TPM4: variants seen among roughly 807,000 people sequenced by gnomAD.
TPM4 encodes tropomyosin alpha-4 chain.
A neutral mutation model predicts 35.8 loss-of-function variants in TPM4; 17 were observed. The ratio of observed to expected loss-of-function variants is 0.47; its 90% confidence interval spans 0.32 to 0.71. The LOEUF is 0.71. TPM4 is among the 30% of genes least tolerant of loss of function. The pLI is 0.03. For missense variants in TPM4, 240 were observed against 320.9 expected, an observed-to-expected ratio of 0.75 and a Z score of 1.93; for synonymous variants, 120 against 122.9, an observed-to-expected ratio of 0.98 and a Z score of 0.15.
chr19:16,086,148 A>C (rs910031438), intron 2 of TPM4, among the ~76,000 whole-genome samples: 4 of 150,714 alleles, frequency 2.7e-5, no homozygotes, highest in Non-Finnish European at 4.4e-5. Context: ...TGCTCAGTAG[A>C]TTCAGAGACT....
intron 7 of TPM4, among the ~76,000 whole-genome samples, chr19:16,096,266 A>C (rs148154323): frequency 1.9e-4 from 29 of 152,126 alleles, no homozygotes; most frequent in African/African-American, 6.5e-4. Context: ...GGGTTTCACT[A>C]TGTTGCCCAG....
chr19:16,067,727 A>G lies in TPM4; in HGVS notation c.103A>G (p.Lys35Glu), dbSNP rs2090311547. ...GGCGGATAAGAAAGCCGCTGAGGAC[A>G]AGTGCAAGCAGGTGAGGTGCCCTCC... Residue 35 changes from lysine (K) to glutamate (E), a missense_variant, in exon 2 of 3, where the codon AAG becomes GAG. Lys to Glu is a moderately conservative substitution (Grantham distance 56). Coordinates refer to the TPM4 transcript ENST00000589897. The surrounding 1 kb of genome is among the most constrained non-coding windows in gnomAD (Gnocchi z 4.1). The G allele has an allele frequency of 6.2e-7, 1 of 1,612,438 alleles. No individual in the cohort carries two copies. Among genetic ancestry groups the G allele is most frequent in the Admixed American group, 1.7e-5 (1 of 59,878 alleles).
In TPM4 at chr19:16,067,613, C is replaced by A. The variant is rs2144901311; in HGVS notation, c.-12C>A. Reference sequence around the variant, plus strand: ...GCCGCGCACCCCACGTCCCCCACGCCAGCGCCCAGCCATGGAGGCCATCAA... The same window carrying A: ...GCCGCGCACCCCACGTCCCCCACGCAAGCGCCCAGCCATGGAGGCCATCAA... On this transcript the variant is annotated 5_prime_UTR_variant, in exon 2 of 3. Coordinates refer to the TPM4 transcript ENST00000589897. The surrounding 1 kb of genome is among the most constrained non-coding windows in gnomAD (Gnocchi z 4.1). The A allele has an allele frequency of 6.2e-7, 1 of 1,611,974 alleles. No homozygotes were observed. The highest frequency in any genetic ancestry group is 2.2e-5 in the East Asian group (1 of 44,824).
At chr19:16,071,067 G>C (rs1218344055) in intron 2 of TPM4, among the ~76,000 whole-genome samples, 2 of 152,240 alleles carry the variant, frequency 1.3e-5, no homozygotes, top group African/African-American at 4.8e-5. Context: ...TGGCCAAGGA[G>C]GTTATGCCTT....
intron 2 of TPM4, among the ~76,000 whole-genome samples, chr19:16,085,239 T>C (rs1311842040): frequency 6.6e-6 from 1 of 151,482 alleles, no homozygotes; most frequent in East Asian, 1.9e-4. Flanking sequence ...GGCAACAGAG[T>C]GAGAACCTGT....
rs1462523889 is a variant in TPM4, at chr19:16,070,542, T to C, written c.114+2804T>C. ...GAAAGCTCGGAGCTCAGACTGGCCA[T>C]GTTTGAGTCATGGCTCAGTCGCTAG... On this transcript the variant is annotated intron_variant, in intron 2 of 2. Coordinates refer to the TPM4 transcript ENST00000589897. This position sits in a 1 kb window ranked among gnomAD's most constrained non-coding sequence, Gnocchi z 7.4. Among the ~76,000 whole-genome samples, 1 of 152,078 alleles carries C rather than the reference T, an allele frequency of 6.6e-6. No homozygotes were observed. The highest frequency in any genetic ancestry group is 1.5e-5 in the Non-Finnish European group (1 of 67,998).
chr19:16,102,041 T>C lies in TPM4; in HGVS notation c.*695T>C. 1 of 210,224 alleles carries C rather than the reference T, an allele frequency of 4.8e-6. No homozygotes were observed. The highest frequency in any genetic ancestry group is 9.7e-6 in the Non-Finnish European group (1 of 103,626). 13.0% of individuals were successfully genotyped at this position (210,224 alleles called of 1,614,324 possible). A position where few individuals can be genotyped will look rare whatever the true frequency, so the allele number is the denominator to read the frequency against. On this transcript the variant is annotated 3_prime_UTR_variant, in exon 8 of 8. Transcript: ENST00000643579. ...ATCCTTGATGTGATGTTCTTTTGCA[T>C]ATTTCCTTCATTCTAAAGTTGTTCC...
At chr19:16,089,669 T>A (rs1198904467) in intron 5 of TPM4, among the ~76,000 whole-genome samples, 1 of 42,904 alleles carries the variant, frequency 2.3e-5, no homozygotes, top group African/African-American at 1.2e-4. Flanking sequence ...CACCCCCCAC[T>A]TTTTTTTTTT....
chr19:16,076,192 G>A (rs1363317576), upstream of TPM4: 5 of 1,552,580 alleles, frequency 3.2e-6, no homozygotes, highest in African/African-American at 1.4e-5. Context: ...CAGGGATGCG[G>A]GAGCCCGCGG....
At chr19:16,090,230 C>A (rs534916334) in intron 5 of TPM4, among the ~76,000 whole-genome samples, 1 of 152,172 alleles carries the variant, frequency 6.6e-6, no homozygotes, top group South Asian at 2.1e-4. Flanking sequence ...AATCCTATCA[C>A]CTCAGCTTCC....
intron 5 of TPM4, among the ~76,000 whole-genome samples, chr19:16,090,903 G>A (rs1398008998): frequency 2.0e-5 from 3 of 149,986 alleles, no homozygotes; most frequent in African/African-American, 7.4e-5. Flanking sequence ...CTGGCCTCGA[G>A]TGATCCACCT....
At chr19:16,098,805 A>T (rs2090731371) in intron 7 of TPM4, among the ~76,000 whole-genome samples, 2 of 152,048 alleles carry the variant, frequency 1.3e-5, no homozygotes, top group African/African-American at 4.8e-5. Context: ...TTTTATTTTT[A>T]AAAAATTTTT....
intron 5 of TPM4, among the ~76,000 whole-genome samples, chr19:16,091,021 G>A (rs2090620081): frequency 5.9e-5 from 9 of 151,916 alleles, no homozygotes; most frequent in Admixed American, 5.9e-4. Flanking sequence ...GGGCCAGGGG[G>A]ATAGATGTAA....
chr19:16,083,761 T>C (rs570280985), intron 2 of TPM4, among the ~76,000 whole-genome samples: 408 of 148,040 alleles, frequency 2.8e-3, no homozygotes, highest in Middle Eastern at 0.01. Flanking sequence ...TCATTTCTTT[T>C]TTTTTTTTTT....
intron 2 of TPM4, among the ~76,000 whole-genome samples, chr19:16,083,857 C>T (rs2090516504): frequency 6.6e-6 from 1 of 150,898 alleles, no homozygotes; most frequent in Non-Finnish European, 1.5e-5. Context: ...CTCCTGGGCT[C>T]AAGCGATCCT....
At chr19:16,081,258 G>A in intron 1 of TPM4, 3 of 394,422 alleles carry the variant, frequency 7.6e-6, no homozygotes, top group Non-Finnish European at 1.3e-5. Flanking sequence ...CTTTTTCAGA[G>A]AAGAGCCTAT....
intron 1 of TPM4, 56 bp from the exon 2 acceptor site, chr19:16,081,857 C>T: frequency 5.3e-6 from 8 of 1,515,450 alleles, no homozygotes; most frequent in Non-Finnish European, 5.4e-6. Flanking sequence ...GGGGGAGGCT[C>T]CCACTGGTGG....
intron 2 of TPM4, among the ~76,000 whole-genome samples, chr19:16,069,140 GT>G (rs1413716450): frequency 6.6e-6 from 1 of 152,176 alleles, no homozygotes; most frequent in Non-Finnish European, 1.5e-5. Flanking sequence ...TTCTGATGGC[GT>G]GTGTGTGTGC....
intron 1 of TPM4, among the ~76,000 whole-genome samples, chr19:16,078,822 G>A (rs2090444521): frequency 7.2e-6 from 1 of 138,872 alleles, no homozygotes; most frequent in African/African-American, 2.8e-5. Context: ...CTAAGACCAG[G>A]GGTGGGTTAA....
Sources: gnomAD v4.1 joint callset for allele counts (sites outside exome capture counted in the v4.1 genomes callset) on GRCh38, gnomAD v4.1.1 for gene constraint, Gnocchi (gnomAD v3.1) non-coding constraint, MANE v1.5 for transcripts, NCBI Gene and HGNC (gene_info 2026-07-23, HGNC 2026-07-21) for gene names.